The following LRRTM4 variants were observed in gnomAD, a reference collection of about 807,000 sequenced individuals.
LRRTM4 encodes the protein leucine rich repeat transmembrane neuronal 4, also known as leucine-rich repeat transmembrane neuronal protein 4.
In LRRTM4, 25 loss-of-function variants were observed where a neutral mutation model predicts 47.6. The observed-to-expected ratio is 0.53, with a 90% confidence interval of 0.38 to 0.73. The LOEUF (loss-of-function observed/expected upper bound fraction) is 0.73. Among genes scored for constraint, LRRTM4 ranks in the 30% least tolerant of loss-of-function variants. The pLI, the probability that LRRTM4 is intolerant of heterozygous loss-of-function variation, is 0.00. For synonymous variants in LRRTM4, 311 were observed against 269.5 expected, an observed-to-expected ratio of 1.15 and a Z score of -1.51; for missense variants, 638 against 713.4, an observed-to-expected ratio of 0.89 and a Z score of 1.20.
chr2:76,801,792 T>C (rs1461753130), intron 3 of LRRTM4, among the ~76,000 whole-genome samples: 1 of 152,196 alleles, frequency 6.6e-6, no homozygotes, highest in East Asian at 1.9e-4. Context: ...ATGAGATTTA[T>C]GCCTAGGAAG....
intron 3 of LRRTM4, among the ~76,000 whole-genome samples, chr2:77,145,884 T>G (rs904210525): frequency 6.6e-6 from 1 of 152,162 alleles, no homozygotes; most frequent in African/African-American, 2.4e-5. Flanking sequence ...AAATATATTC[T>G]GAGCATGTGT....
intron 3 of LRRTM4, among the ~76,000 whole-genome samples, chr2:76,848,373 CTTAT>C (rs1467826197): frequency 6.6e-6 from 1 of 152,004 alleles, no homozygotes; most frequent in Non-Finnish European, 1.5e-5. Context: ...TTGGCCTCTT[CTTAT>C]TTTTTTGCAT....
intron 3 of LRRTM4, among the ~76,000 whole-genome samples, chr2:77,067,498 A>G (rs1337526678): frequency 2.0e-5 from 3 of 152,208 alleles, no homozygotes; most frequent in East Asian, 3.9e-4. Flanking sequence ...AATGAGTTCA[A>G]ATGTAGATAC....
chr2:76,888,160 G>T (rs1252219513), intron 3 of LRRTM4, among the ~76,000 whole-genome samples: 5 of 150,314 alleles, frequency 3.3e-5, no homozygotes, highest in Non-Finnish European at 7.4e-5. Flanking sequence ...CATATTTGTG[G>T]GTGGATATGA....
chr2:76,913,288 A>G (rs932121356), intron 3 of LRRTM4, among the ~76,000 whole-genome samples: 6 of 151,916 alleles, frequency 3.9e-5, no homozygotes, highest in African/African-American at 1.5e-4. Flanking sequence ...TGTATGTTTC[A>G]TGTTAAGCTT....
At chr2:76,795,471 T>A (rs926684611) in intron 3 of LRRTM4, among the ~76,000 whole-genome samples, 8 of 152,154 alleles carry the variant, frequency 5.3e-5, no homozygotes, top group Non-Finnish European at 1.2e-4. Flanking sequence ...TACACAGAAT[T>A]TACATTGTGT....
chr2:77,049,944 A>G (rs947214716), intron 3 of LRRTM4, among the ~76,000 whole-genome samples: 5 of 152,020 alleles, frequency 3.3e-5, no homozygotes, highest in African/African-American at 1.2e-4. Context: ...GAGATGATTT[A>G]AAAAGCAGTG....
At chr2:76,942,186 T>G (rs1380752847) in intron 3 of LRRTM4, among the ~76,000 whole-genome samples, 1 of 152,158 alleles carries the variant, frequency 6.6e-6, no homozygotes, top group Non-Finnish European at 1.5e-5. Flanking sequence ...TTGTTTAAGT[T>G]CCTTGTAGAT....
intron 3 of LRRTM4, among the ~76,000 whole-genome samples, chr2:76,898,418 C>T (rs1299229733): frequency 6.6e-6 from 1 of 151,664 alleles, no homozygotes; most frequent in African/African-American, 2.4e-5. Context: ...GGAGTAATCT[C>T]GAAACATTTA....
chr2:77,227,524 G>A (rs1674848461), intron 3 of LRRTM4, among the ~76,000 whole-genome samples: 1 of 151,976 alleles, frequency 6.6e-6, no homozygotes, highest in Non-Finnish European at 1.5e-5. Context: ...AAGGAGTTTG[G>A]TTGTATTTTT....
In LRRTM4 at chr2:77,210,926, C is replaced by T. The variant is rs940904710; in HGVS notation, c.1551+307392G>A. On this transcript the variant is annotated intron_variant, in intron 3 of 3. Coordinates refer to ENST00000409884, the MANE Select transcript of LRRTM4 (RefSeq NM_001134745.3). ...GAGTACAGGAAGCTCTGCTGAGCAA[C>T]GGGAGATGGATGTGGTAGCCCGCCC... 1.4e-4 allele frequency among the ~76,000 whole-genome samples: 22 copies of T among 151,998 alleles called. 1 individual carries two copies. Among genetic ancestry groups the T allele is most frequent in the Admixed American group, 1.2e-3 (19 of 15,242 alleles).
intron 3 of LRRTM4, among the ~76,000 whole-genome samples, chr2:77,483,950 A>G (rs1677813721): frequency 6.6e-6 from 1 of 152,214 alleles, no homozygotes; most frequent in Non-Finnish European, 1.5e-5. Flanking sequence ...TCATCTCAGC[A>G]TCTCAAGGTA....
intron 3 of LRRTM4, among the ~76,000 whole-genome samples, chr2:76,992,208 A>G (rs1296781092): frequency 6.6e-6 from 1 of 151,782 alleles, no homozygotes; most frequent in Non-Finnish European, 1.5e-5. Flanking sequence ...TGGAAGCATT[A>G]TCCTTAAGAA....
intron 3 of LRRTM4, among the ~76,000 whole-genome samples, chr2:76,944,112 G>T (rs1044765921): frequency 3.3e-5 from 5 of 152,000 alleles, no homozygotes; most frequent in Non-Finnish European, 5.9e-5. Context: ...ATTGCCCCTT[G>T]CTTGCCTCTC....
chr2:76,871,055 A>G (rs563108491), intron 3 of LRRTM4, among the ~76,000 whole-genome samples: 2 of 152,298 alleles, frequency 1.3e-5, no homozygotes, highest in East Asian at 1.9e-4. Context: ...TATGATGTCT[A>G]TTATAAAATC....
intron 3 of LRRTM4, among the ~76,000 whole-genome samples, chr2:76,913,557 T>TTTTTTTTTA (rs1490535283): frequency 1.3e-5 from 2 of 150,202 alleles, no homozygotes; most frequent in African/African-American, 4.9e-5. Context: ...TTTTTTTTTT[T>TTTTTTTTTA]GAGACAGAGT....
chr2:76,947,168 G>A (rs1459299681), intron 3 of LRRTM4, among the ~76,000 whole-genome samples: 3 of 151,734 alleles, frequency 2.0e-5, no homozygotes, highest in African/African-American at 2.4e-5. Flanking sequence ...GAATAATGGA[G>A]TAATAAGCTG....
At chr2:77,252,169 T>C (rs2104016758) in intron 3 of LRRTM4, among the ~76,000 whole-genome samples, 1 of 152,188 alleles carries the variant, frequency 6.6e-6, no homozygotes, top group East Asian at 1.9e-4. Context: ...TGCTTTAGAA[T>C]ATCTAAGACC....
At chr2:76,910,789 C>T (rs111241459) in intron 3 of LRRTM4, among the ~76,000 whole-genome samples, 2 of 152,180 alleles carry the variant, frequency 1.3e-5, no homozygotes, top group African/African-American at 4.8e-5. Flanking sequence ...ACTTTCTCTT[C>T]CAGTTTCTCT....
Sources: allele counts gnomAD v4.1 joint callset (sites outside exome capture counted in the v4.1 genomes callset), GRCh38; gene constraint gnomAD v4.1.1; transcripts MANE v1.5; gene names NCBI Gene and HGNC (gene_info 2026-07-23, HGNC 2026-07-21).